Variants in MAML2 observed in about 807,000 individuals in gnomAD.
MAML2 encodes the protein mastermind-like protein 2.
A neutral mutation model predicts 96.1 loss-of-function variants in MAML2; 22 were observed. The ratio of observed to expected loss-of-function variants is 0.23; its 90% CI spans 0.16 to 0.33. The LOEUF is 0.33. Among genes scored for constraint, MAML2 ranks in the 10% least tolerant of loss-of-function variants. The pLI is 1.00. For missense variants in MAML2, 1,367 were observed against 1,392.4 expected (o/e 0.98, Z 0.29); for synonymous variants, 561 against 521.3 (o/e 1.08, Z -1.04).
intron 1 of MAML2, among the ~76,000 whole-genome samples, chr11:96,116,333 A>T (rs1860241131): frequency 6.6e-6 from 1 of 152,020 alleles, no homozygotes; most frequent in Non-Finnish European, 1.5e-5. Context: ...CTCTCTGGGG[A>T]TGACTGACAA....
intron 2 of MAML2, among the ~76,000 whole-genome samples, chr11:96,050,348 G>C (rs968496220): frequency 6.6e-6 from 1 of 152,180 alleles, no homozygotes; most frequent in Non-Finnish European, 1.5e-5. Flanking sequence ...GGAGGACACC[G>C]ACTGGCAAAT....
At chr11:96,207,412 A>T (rs1441532410) in intron 1 of MAML2, among the ~76,000 whole-genome samples, 2 of 152,236 alleles carry the variant, frequency 1.3e-5, no homozygotes, top group East Asian at 3.8e-4. Flanking sequence ...TCATCCTTCA[A>T]TGAAGTTGAT....
intron 1 of MAML2, among the ~76,000 whole-genome samples, chr11:96,177,957 T>TGTGTGTGC (rs1565238928): frequency 6.7e-6 from 1 of 149,862 alleles, no homozygotes; most frequent in African/African-American, 2.5e-5. Flanking sequence ...TGTGTGTGTG[T>TGTGTGTGC]TTAAATAAGA....
intron 2 of MAML2, among the ~76,000 whole-genome samples, chr11:96,015,527 A>C (rs1451235836): frequency 2.1e-5 from 3 of 141,482 alleles, no homozygotes; most frequent in Non-Finnish European, 4.6e-5. Flanking sequence ...CCAATTCAAT[A>C]GATGTGGAAG....
chr11:96,090,705 G>GA (rs1338156131), intron 2 of MAML2, among the ~76,000 whole-genome samples: 1 of 152,176 alleles, frequency 6.6e-6, no homozygotes, highest in Non-Finnish European at 1.5e-5. Flanking sequence ...TTCTTAAGTA[G>GA]AAAAGGGCTG....
intron 1 of MAML2, among the ~76,000 whole-genome samples, chr11:96,252,352 A>G (rs1839936312): frequency 6.6e-6 from 1 of 151,800 alleles, no homozygotes; most frequent in African/African-American, 2.4e-5. Flanking sequence ...TCTAATCCTC[A>G]CAATAATGAA....
rs553771414 is a variant in MAML2, at chr11:96,100,502, G to T, written c.514-6985C>A. 2.6e-5 allele frequency among the ~76,000 whole-genome samples: 4 copies of T among 151,912 alleles called. No individual in the cohort carries two copies. In the East Asian group the frequency reaches 7.8e-4, roughly 30 times the overall value. Reference sequence around the variant, plus strand: ...TTTTTGTATTTTTAGTAGAGACAGGGTTTCACCATGTTGGTCAGGCTGGTC... The same window carrying T: ...TTTTTGTATTTTTAGTAGAGACAGGTTTTCACCATGTTGGTCAGGCTGGTC... On this transcript the variant is annotated intron_variant, in intron 1 of 4. Coordinates refer to ENST00000524717, the MANE Select transcript of MAML2 (RefSeq NM_032427.4).
Position 96,249,211 on chromosome 11 carries a change from T to A in MAML2, c.513+92172A>T, listed in dbSNP as rs181332210. Among the ~76,000 whole-genome samples, 189 of 152,334 alleles carry A rather than the reference T, an allele frequency of 1.2e-3. 1 individual carries two copies. Among genetic ancestry groups the A allele is most frequent in the Non-Finnish European group, 1.7e-3 (119 of 68,028 alleles). ...CCTTTTGGGGCACTATTTTCTCTTA[T>A]GTTCTCTCCCTCACTTCTCCTCTGT... On this transcript the variant is annotated intron_variant, in intron 1 of 4. Coordinates refer to ENST00000524717, the MANE Select transcript of MAML2 (RefSeq NM_032427.4).
intron 1 of MAML2, among the ~76,000 whole-genome samples, chr11:96,300,489 T>C (rs1342939451): frequency 6.6e-6 from 1 of 152,184 alleles, no homozygotes; most frequent in Non-Finnish European, 1.5e-5. Flanking sequence ...TAACTCTGTT[T>C]TGAGGTACCC....
chr11:95,991,603 T>C lies in MAML2; in HGVS notation c.2260A>G (p.Met754Val). 6.2e-7 allele frequency: 1 copy of C among 1,613,768 alleles called. No individual in the cohort carries two copies. Among genetic ancestry groups the C allele is most frequent in the Non-Finnish European group, 8.5e-7 (1 of 1,179,716 alleles). ...SQQSLLNQQL[M>V]GKKQTLQRQI... ...CTCTGTAGAGTCTGCTTCTTTCCCA[T>C]CAATTGCTGATTCAACAGTGATTGC... Residue 754 changes from methionine to valine, a missense_variant, in exon 3 of 5, where the codon ATG becomes GTG. By Grantham distance (21) the Met-to-Val change is conservative. Coordinates refer to ENST00000524717, the MANE Select transcript of MAML2 (RefSeq NM_032427.4).
At chr11:96,300,022 A>C (rs189502861) in intron 1 of MAML2, among the ~76,000 whole-genome samples, 2 of 152,308 alleles carry the variant, frequency 1.3e-5, no homozygotes, top group Non-Finnish European at 2.9e-5. Context: ...AATAACAAAC[A>C]GTGGAGATAA....
At chr11:96,200,327 A>G (rs912017403) in intron 1 of MAML2, among the ~76,000 whole-genome samples, 1 of 152,312 alleles carries the variant, frequency 6.6e-6, no homozygotes, top group South Asian at 2.1e-4. Flanking sequence ...TGCAAAACAG[A>G]TATCATCTGT....
At chr11:96,151,555 T>TGG (rs1416506058) in intron 1 of MAML2, among the ~76,000 whole-genome samples, 2 of 152,194 alleles carry the variant, frequency 1.3e-5, no homozygotes, top group Non-Finnish European at 2.9e-5. Context: ...GATTGGATCG[T>TGG]GGGGATGCTC....
chr11:96,172,914 G>A (rs1008351390), intron 1 of MAML2, among the ~76,000 whole-genome samples: 8 of 152,208 alleles, frequency 5.3e-5, no homozygotes, highest in African/African-American at 1.7e-4. Context: ...CTCTCGATAT[G>A]TAGAACACCA....
intron 1 of MAML2, among the ~76,000 whole-genome samples, chr11:96,176,136 TG>T (rs1391774144): frequency 1.3e-5 from 2 of 152,202 alleles, no homozygotes; most frequent in East Asian, 3.9e-4. Flanking sequence ...TCAGAGATGC[TG>T]GGTCATTAGC....
intron 2 of MAML2, among the ~76,000 whole-genome samples, chr11:96,011,282 C>A (rs1051912952): frequency 6.6e-6 from 1 of 152,118 alleles, no homozygotes; most frequent in African/African-American, 2.4e-5. Context: ...ATGTTCATTG[C>A]AACACTGTTT....
chr11:96,304,818 C>A (rs1469954892), intron 1 of MAML2, among the ~76,000 whole-genome samples: 2 of 152,006 alleles, frequency 1.3e-5, no homozygotes, highest in Non-Finnish European at 2.9e-5. Context: ...GATAAAGGGA[C>A]CTTAAAGAAA....
chr11:96,224,523 T>C (rs944184779), intron 1 of MAML2, among the ~76,000 whole-genome samples: 1 of 152,218 alleles, frequency 6.6e-6, no homozygotes, highest in Admixed American at 6.5e-5. Context: ...CAAGATGTCT[T>C]CTCATCTTTC....
chr11:96,206,638 G>C (rs1272936025), intron 1 of MAML2, among the ~76,000 whole-genome samples: 1 of 152,100 alleles, frequency 6.6e-6, no homozygotes, highest in Non-Finnish European at 1.5e-5. Flanking sequence ...AGTGAGTAAA[G>C]GTTCATCAGG....
Sources: gnomAD v4.1 joint callset for allele counts (sites outside exome capture counted in the v4.1 genomes callset) on GRCh38, gnomAD v4.1.1 for gene constraint, MANE v1.5 for transcripts, NCBI Gene and HGNC (gene_info 2026-07-23, HGNC 2026-07-21) for gene names.